The following STX7 variants were observed in gnomAD, a reference collection of about 807,000 sequenced individuals.
STX7 encodes the protein syntaxin 7, also known as syntaxin-7.
In STX7, 34 loss-of-function variants were observed where a neutral mutation model predicts 39.6. That is an observed-to-expected ratio of 0.86 (90% CI 0.65 to 1.14). The LOEUF is 1.14. STX7 is among the 50% of genes most tolerant of loss of function. The pLI is 0.00. For missense variants in STX7, 284 were observed against 310.4 expected, an observed-to-expected ratio of 0.92 and a Z score of 0.64; for synonymous variants, 119 against 99.1, an observed-to-expected ratio of 1.20 and a Z score of -1.19.
At chr6:132,493,621 T>A (rs559703826) in intron 2 of STX7, among the ~76,000 whole-genome samples, 4 of 152,216 alleles carry the variant, frequency 2.6e-5, no homozygotes. Context: ...GGAAATGTGA[T>A]CCATTACACC....
chr6:132,457,615 A>C lies in STX7; in HGVS notation c.*3143T>G, dbSNP rs751277296. 7 of 152,374 alleles carry C rather than the reference A, an allele frequency of 4.6e-5. No individual in the cohort carries two copies. The highest frequency in any genetic ancestry group is 8.8e-5 in the Non-Finnish European group (6 of 68,038). The allele number at this position is 152,374 out of a possible 1,614,324, so 9.4% of individuals were successfully genotyped here. A position where few individuals can be genotyped will look rare whatever the true frequency, so the allele number is the denominator to read the frequency against. The stretch of plus-strand genomic sequence containing the variant: ...ACTGTTCAAATGTTATGGAGGACTA[A>C]AAAGGCCTGGGATTCACAGGCTCAT... On this transcript the variant is annotated 3_prime_UTR_variant, in exon 10 of 10. Coordinates refer to ENST00000367941, the MANE Select transcript of STX7 (RefSeq NM_003569.3).
At chr6:132,509,460 AACAT>A (rs1434280869) in intron 1 of STX7, among the ~76,000 whole-genome samples, 1,143 of 4,714 alleles carry the variant, frequency 0.24, 58 homozygotes, top group Non-Finnish European at 0.34. Flanking sequence ...AAAATAACAT[AACAT>A]AACATAACAT....
At chr6:132,504,391 G>A (rs1775647893) in intron 1 of STX7, among the ~76,000 whole-genome samples, 1 of 152,210 alleles carries the variant, frequency 6.6e-6, no homozygotes, top group Non-Finnish European at 1.5e-5. Flanking sequence ...TACTGCCACA[G>A]GAGGCAGGTG....
At chr6:132,476,924 T>C (rs1036988713) in intron 2 of STX7, among the ~76,000 whole-genome samples, 3 of 152,038 alleles carry the variant, frequency 2.0e-5, no homozygotes, top group Non-Finnish European at 2.9e-5. Context: ...CTCTTAACAA[T>C]CTAACCCCCT....
At position 132,451,464 on chromosome 6, in the gene STX7, T is replaced by C. The variant is rs1311511968; in HGVS notation, c.*9294A>G. 1 of 152,182 alleles carries C rather than the reference T, an allele frequency of 6.6e-6. No homozygotes were observed. Among genetic ancestry groups the C allele is most frequent in the Non-Finnish European group, 1.5e-5 (1 of 68,034 alleles). 9.4% of individuals were successfully genotyped at this position (152,182 alleles called of 1,614,324 possible). A position where few individuals can be genotyped will look rare whatever the true frequency, so the allele number is the denominator to read the frequency against. On this transcript the variant is annotated 3_prime_UTR_variant, in exon 10 of 10. Transcript: ENST00000367941. Reference sequence around the variant, plus strand: ...TAAACCTACAAGTCTATGTCTAATGTAAATATTCTTCAGATATCAAGGGAA... The same window carrying C: ...TAAACCTACAAGTCTATGTCTAATGCAAATATTCTTCAGATATCAAGGGAA...
rs181821755 is a variant in STX7, at chr6:132,457,730, T to C, written c.*3028A>G. 6.6e-6 allele frequency: 1 copy of C among 152,336 alleles called. No individual in the cohort carries two copies. Among genetic ancestry groups the C allele is most frequent in the Admixed American group, 6.5e-5 (1 of 15,302 alleles). The allele number at this position is 152,336 out of a possible 1,614,324, so 9.4% of individuals were successfully genotyped here. On this transcript the variant is annotated 3_prime_UTR_variant, in exon 10 of 10. Coordinates refer to ENST00000367941, the MANE Select transcript of STX7 (RefSeq NM_003569.3). ...TTACCACCAATGAATTTTTATCATATTTAAATGAACTTGAAAATGTCATTC... is the reference window on the plus strand; with the variant it reads ...TTACCACCAATGAATTTTTATCATACTTAAATGAACTTGAAAATGTCATTC...
At chr6:132,472,855 A>T (rs999718552) in intron 3 of STX7, among the ~76,000 whole-genome samples, 6 of 142,566 alleles carry the variant, frequency 4.2e-5, no homozygotes, top group Admixed American at 2.9e-4. Flanking sequence ...ATAGATACTT[A>T]AAAAAAAGGC....
chr6:132,496,927 A>AG (rs1775433186), intron 2 of STX7, among the ~76,000 whole-genome samples: 1 of 152,212 alleles, frequency 6.6e-6, no homozygotes, highest in African/African-American at 2.4e-5. Flanking sequence ...GACTAAAATG[A>AG]ATAAAAAGCT....
At chr6:132,498,659 G>A (rs1562337921) in intron 2 of STX7, among the ~76,000 whole-genome samples, 1 of 152,162 alleles carries the variant, frequency 6.6e-6, no homozygotes. Flanking sequence ...AGTGTGAAGA[G>A]AACCTAAATG....
intron 1 of STX7, among the ~76,000 whole-genome samples, chr6:132,505,832 C>A (rs1775693648): frequency 6.7e-6 from 1 of 149,700 alleles, no homozygotes; most frequent in Non-Finnish European, 1.5e-5. Flanking sequence ...CATTGCCTGA[C>A]CTCAAATTAT....
intron 2 of STX7, among the ~76,000 whole-genome samples, chr6:132,499,322 CA>C (rs1281291500): frequency 6.6e-6 from 1 of 152,196 alleles, no homozygotes; most frequent in African/African-American, 2.4e-5. Flanking sequence ...TTTTAGTGAG[CA>C]CACTGAAATC....
intron 1 of STX7, among the ~76,000 whole-genome samples, chr6:132,504,193 C>T (rs1775643413): frequency 6.6e-6 from 1 of 152,132 alleles, no homozygotes; most frequent in Non-Finnish European, 1.5e-5. Flanking sequence ...CACACAGGAC[C>T]TGCTCAGGAA....
intron 2 of STX7, among the ~76,000 whole-genome samples, chr6:132,480,607 T>G (rs1367691423): frequency 6.6e-6 from 1 of 152,182 alleles, no homozygotes; most frequent in Non-Finnish European, 1.5e-5. Context: ...GGTACGCTCA[T>G]ACACAAGTAA....
chr6:132,501,057 CCTGT>C (rs1314037811), intron 2 of STX7, among the ~76,000 whole-genome samples: 1 of 148,856 alleles, frequency 6.7e-6, no homozygotes, highest in East Asian at 2.0e-4. Flanking sequence ...ATGAACAGTC[CCTGT>C]CTTTTTTTTT....
At chr6:132,477,418 G>C (rs1774901847) in intron 2 of STX7, among the ~76,000 whole-genome samples, 1 of 151,892 alleles carries the variant, frequency 6.6e-6, no homozygotes, top group African/African-American at 2.4e-5. Context: ...AAAAATCATA[G>C]CAAGTGAGAA....
intron 3 of STX7, among the ~76,000 whole-genome samples, chr6:132,472,744 T>C (rs1048939353): frequency 1.3e-5 from 2 of 152,158 alleles, no homozygotes; most frequent in Admixed American, 1.3e-4. Context: ...ACCTGGAAGG[T>C]CAGGTAAGCA....
At chr6:132,508,285 C>T (rs1241123766) in intron 1 of STX7, among the ~76,000 whole-genome samples, 1 of 152,226 alleles carries the variant, frequency 6.6e-6, no homozygotes, top group African/African-American at 2.4e-5. Context: ...ACCCTTAAAA[C>T]TCACACCAGT....
At position 132,447,319 on chromosome 6, in the gene STX7, G is replaced by GA. The variant is rs2114309172; in HGVS notation, c.*13438_*13439insT. The GA allele has an allele frequency of 6.6e-6, 1 of 152,278 alleles. No individual in the cohort carries two copies. The highest frequency in any genetic ancestry group is 1.9e-4 in the East Asian group (1 of 5,186). The allele number at this position is 152,278 out of a possible 1,614,324, so 9.4% of individuals were successfully genotyped here. ...AACAGTTGACTTTATGTAGATTATG[G>GA]TTAATATCTTTTGCAGATTTTCTAA... On this transcript the variant is annotated 3_prime_UTR_variant, in exon 10 of 10. Transcript: ENST00000367941.
At chr6:132,508,865 T>C (rs947524034) in intron 1 of STX7, among the ~76,000 whole-genome samples, 18 of 152,116 alleles carry the variant, frequency 1.2e-4, no homozygotes, top group African/African-American at 4.3e-4. Context: ...AGAAGAAAGA[T>C]GTGTAAAATA....
Sources: gnomAD v4.1 joint callset for allele counts (sites outside exome capture counted in the v4.1 genomes callset) on GRCh38, gnomAD v4.1.1 for gene constraint, MANE v1.5 for transcripts, NCBI Gene and HGNC (gene_info 2026-07-23, HGNC 2026-07-21) for gene names.